GNA14: variants seen among roughly 807,000 people sequenced by gnomAD.
GNA14 encodes G protein subunit alpha 14, also known as guanine nucleotide-binding protein subunit alpha-14.
A neutral mutation model predicts 42.0 loss-of-function variants in GNA14; 50 were observed. The observed-to-expected ratio is 1.19, with a 90% CI of 0.95 to 1.51. GNA14 has a LOEUF of 1.51. GNA14 is among the 40% of genes most tolerant of loss of function. GNA14 has a pLI of 0.00. For missense variants in GNA14, 473 were observed against 446.2 expected (o/e 1.06, Z -0.54); for synonymous variants, 173 against 163.1 (o/e 1.06, Z -0.46).
chr9:77,475,650 C>A (rs1346782720), intron 2 of GNA14, among the ~76,000 whole-genome samples: 1 of 152,170 alleles, frequency 6.6e-6, no homozygotes, highest in African/African-American at 2.4e-5. Flanking sequence ...CTCACCACTC[C>A]TCTTCGTTCT....
chr9:77,581,002 G>GCACACA lies in GNA14; in HGVS notation c.125-51755_125-51750dup, dbSNP rs3052394. Among the ~76,000 whole-genome samples the GCACACA allele has an allele frequency of 8.5e-3, 1,227 of 144,374 alleles. 22 individuals are homozygous for GCACACA. The highest frequency in any genetic ancestry group is 0.028 in the African/African-American group (1,086 of 39,094). 94.7% of individuals were successfully genotyped at this position (144,374 alleles called of 152,430 possible). ...TTCAATGCTTAAAGATACAATAAAGGCACACACACACACACACACACACAC... is the reference window on the plus strand; with the variant it reads ...TTCAATGCTTAAAGATACAATAAAGGCACACACACACACACACACACACACACACAC... On this transcript the variant is annotated intron_variant, in intron 1 of 6. Coordinates refer to ENST00000341700, the MANE Select transcript of GNA14 (RefSeq NM_004297.4).
At chr9:77,593,844 G>A (rs1823425073) in intron 1 of GNA14, among the ~76,000 whole-genome samples, 1 of 152,234 alleles carries the variant, frequency 6.6e-6, no homozygotes, top group Non-Finnish European at 1.5e-5. Flanking sequence ...ACAAGTAGAA[G>A]TCAAATGTGC....
intron 2 of GNA14, among the ~76,000 whole-genome samples, chr9:77,445,970 G>A (rs1192613852): frequency 6.6e-6 from 1 of 152,148 alleles, no homozygotes; most frequent in East Asian, 1.9e-4. Flanking sequence ...TTTTGTCTGT[G>A]CCTATCTTCA....
intron 1 of GNA14, among the ~76,000 whole-genome samples, chr9:77,644,437 C>CAAAAAAAAAAAAAAAAAAA (rs764737417): frequency 6.5e-4 from 22 of 34,022 alleles, no homozygotes; most frequent in South Asian, 1.7e-3. Context: ...TAAAGAGTGT[C>CAAAAAAAAAAAAAAAAAAA]AAAAAAAAAA....
At chr9:77,498,372 T>TGAAAAA (rs1836907229) in intron 2 of GNA14, among the ~76,000 whole-genome samples, 1 of 18,380 alleles carries the variant, frequency 5.4e-5, no homozygotes, top group Non-Finnish European at 8.2e-5. Flanking sequence ...AAAGTCTGTC[T>TGAAAAA]CAAAAAAAAA....
chr9:77,570,962 T>C (rs1358344585), intron 1 of GNA14, among the ~76,000 whole-genome samples: 2 of 152,304 alleles, frequency 1.3e-5, no homozygotes, highest in East Asian at 3.9e-4. Flanking sequence ...ATATAATAAG[T>C]TATTTACTGA....
intron 2 of GNA14, among the ~76,000 whole-genome samples, chr9:77,436,963 G>A (rs1254165098): frequency 6.6e-6 from 1 of 152,208 alleles, no homozygotes; most frequent in Admixed American, 6.5e-5. Flanking sequence ...ACACGGAGCA[G>A]GTCAGGGCCT....
intron 1 of GNA14, among the ~76,000 whole-genome samples, chr9:77,600,064 T>A (rs1467224865): frequency 1.3e-5 from 2 of 151,026 alleles, no homozygotes; most frequent in Non-Finnish European, 1.5e-5. Flanking sequence ...ACACCATATA[T>A]TGATTTTTGT....
At chr9:77,608,470 A>G (rs1417148697) in intron 1 of GNA14, among the ~76,000 whole-genome samples, 1 of 152,144 alleles carries the variant, frequency 6.6e-6, no homozygotes, top group Non-Finnish European at 1.5e-5. Context: ...CTCTCTGGAA[A>G]GGCCCACCCC....
intron 1 of GNA14, among the ~76,000 whole-genome samples, chr9:77,552,147 GAAAA>G (rs1837795038): frequency 1.5e-5 from 2 of 131,686 alleles, no homozygotes; most frequent in Non-Finnish European, 3.3e-5. Context: ...AAAAAAAAAA[GAAAA>G]AGAAAGAAAG....
At chr9:77,527,699 T>A (rs1238803610) in intron 2 of GNA14, among the ~76,000 whole-genome samples, 1 of 152,166 alleles carries the variant, frequency 6.6e-6, no homozygotes, top group African/African-American at 2.4e-5. Context: ...AATGGTACAA[T>A]CTTGGCTTAC....
chr9:77,469,147 T>C (rs1038524554), intron 2 of GNA14, among the ~76,000 whole-genome samples: 1 of 152,110 alleles, frequency 6.6e-6, no homozygotes, highest in Non-Finnish European at 1.5e-5. Context: ...TAGAGCTGCA[T>C]GAGGCTCTCA....
chr9:77,561,392 G>A (rs553818065), intron 1 of GNA14, among the ~76,000 whole-genome samples: 125 of 152,256 alleles, frequency 8.2e-4, no homozygotes, highest in African/African-American at 2.9e-3. Context: ...AGAAGAGTGA[G>A]AATCAGAAAA....
chr9:77,520,060 T>C (rs958335166), intron 2 of GNA14, among the ~76,000 whole-genome samples: 6 of 152,226 alleles, frequency 3.9e-5, no homozygotes, highest in Non-Finnish European at 7.4e-5. Flanking sequence ...CTATGCAACA[T>C]AGCCATGCAA....
chr9:77,432,264 G>A (rs900845390), intron 3 of GNA14, among the ~76,000 whole-genome samples: 2 of 152,202 alleles, frequency 1.3e-5, no homozygotes, highest in African/African-American at 4.8e-5. Flanking sequence ...GGGCTGAGCA[G>A]GTCCGCATGC....
At chr9:77,425,323 G>T (rs1036762834) in intron 6 of GNA14, among the ~76,000 whole-genome samples, 1 of 152,136 alleles carries the variant, frequency 6.6e-6, no homozygotes, top group Non-Finnish European at 1.5e-5. Context: ...AGAACAACAT[G>T]GAGGCAGCGA....
chr9:77,550,847 T>C (rs1837778535), intron 1 of GNA14, among the ~76,000 whole-genome samples: 1 of 152,220 alleles, frequency 6.6e-6, no homozygotes. Context: ...ATTAAGATGG[T>C]CACCTTCGTA....
intron 1 of GNA14, among the ~76,000 whole-genome samples, chr9:77,644,580 C>G (rs1587859610): frequency 6.6e-6 from 1 of 152,106 alleles, no homozygotes; most frequent in Non-Finnish European, 1.5e-5. Context: ...AAGCCAACAC[C>G]TTGCTCTTGG....
chr9:77,613,124 C>A (rs1158567975), intron 1 of GNA14, among the ~76,000 whole-genome samples: 1 of 152,182 alleles, frequency 6.6e-6, no homozygotes, highest in African/African-American at 2.4e-5. Flanking sequence ...GAGAAAGACA[C>A]TCATTCCATT....
Sources: allele counts gnomAD v4.1 joint callset (sites outside exome capture counted in the v4.1 genomes callset), GRCh38; gene constraint gnomAD v4.1.1; transcripts MANE v1.5; gene names NCBI Gene and HGNC (gene_info 2026-07-23, HGNC 2026-07-21).